The following ZMYND11 variants were observed in gnomAD, a reference collection of about 807,000 sequenced individuals.
The protein encoded by ZMYND11 is zinc finger MYND-type containing 11.
Under a neutral mutation model 84.9 loss-of-function variants are expected in ZMYND11, and 9 were observed. That is an observed-to-expected ratio of 0.11 (90% confidence interval 0.06 to 0.18). The LOEUF (loss-of-function observed/expected upper bound fraction) is 0.18, where lower values mean the gene tolerates loss of function less well. Among genes scored for constraint, ZMYND11 ranks in the 10% least tolerant of loss-of-function variants. The probability of loss-of-function intolerance (pLI) is 1.00; values close to 1 mark genes in which losing one functional copy is unlikely to be tolerated. For missense variants in ZMYND11, 409 were observed against 761.0 expected (o/e 0.54, Z 5.44); for synonymous variants, 250 against 244.1 (o/e 1.02, Z -0.23).
intron 6 of ZMYND11, 61 bp from the exon 7 acceptor site, chr10:239,377 A>C: frequency 7.5e-7 from 1 of 1,341,366 alleles, no homozygotes; most frequent in South Asian, 1.2e-5. Context: ...CTGTGAACTT[A>C]GTCCAGACAA....
At chr10:197,184 T>C (rs1942005012) in intron 2 of ZMYND11, among the ~76,000 whole-genome samples, 1 of 150,594 alleles carries the variant, frequency 6.6e-6, no homozygotes, top group African/African-American at 2.5e-5. Flanking sequence ...AGTGGAGTGC[T>C]TTTAGTTCAC....
At chr10:245,131 GAGTTTAGTTTTTCAA>G (rs1464696757) in intron 10 of ZMYND11, among the ~76,000 whole-genome samples, 2 of 152,160 alleles carry the variant, frequency 1.3e-5, no homozygotes, top group Non-Finnish European at 2.9e-5. Flanking sequence ...CTCTGCATTA[GAGTTTAGTTTTTCAA>G]AGTTCAGTTT....
rs565952591 is a variant in ZMYND11 at position 220,121 on chromosome 10, G to A, written c.277-1074G>A. Reference sequence around the variant, plus strand: ...GCTACATGAAAGCCCATTTATTGGGGGAGTACTGACATCAGAGAAAACAGT... The same window carrying A: ...GCTACATGAAAGCCCATTTATTGGGAGAGTACTGACATCAGAGAAAACAGT... On this transcript the variant is annotated intron_variant, in intron 3 of 14. Coordinates refer to ENST00000381604, the MANE Select transcript of ZMYND11 (RefSeq NM_001370100.5). 2.6e-5 allele frequency among the ~76,000 whole-genome samples: 4 copies of A among 152,204 alleles called. No homozygotes were observed. In the East Asian group the frequency reaches 7.7e-4, roughly 29 times the overall value.
chr10:144,566 C>T (rs1306471814), intron 1 of ZMYND11, among the ~76,000 whole-genome samples: 4 of 149,220 alleles, frequency 2.7e-5, no homozygotes, highest in Non-Finnish European at 4.5e-5. Flanking sequence ...GACAGTGTTA[C>T]ACAACTCACA....
rs982298789 is a variant in ZMYND11, at chr10:233,186, G to C, written c.439-3652G>C. ...CGATTGTATCAGAATTTCTGGGGGCGGCACCTGAGACATCGGTGGGCTTTT... is the reference window on the plus strand; with the variant it reads ...CGATTGTATCAGAATTTCTGGGGGCCGCACCTGAGACATCGGTGGGCTTTT... On this transcript the variant is annotated intron_variant, in intron 4 of 14. Transcript: ENST00000381604. 3.3e-5 allele frequency among the ~76,000 whole-genome samples: 5 copies of C among 151,860 alleles called. No homozygotes were observed. The East Asian group carries it at 9.7e-4, about 29-fold the overall frequency.
intron 1 of ZMYND11, among the ~76,000 whole-genome samples, chr10:141,490 CTG>C (rs1207403999): frequency 3.1e-4 from 47 of 152,260 alleles, no homozygotes; most frequent in African/African-American, 1.0e-3. Flanking sequence ...CTGTAGGACA[CTG>C]TATGAATTAA....
chr10:221,310 T>A lies in ZMYND11; in HGVS notation c.392T>A (p.Phe131Tyr), dbSNP rs753445121. 2 of 1,614,010 alleles carry A rather than the reference T, an allele frequency of 1.2e-6. No homozygotes were observed. The highest frequency in any genetic ancestry group is 2.2e-5 in the South Asian group (2 of 91,072). The change falls in exon 4 of 15, where the codon TTC becomes TAC. Residue 131 changes from phenylalanine (F) to tyrosine (Y), a missense_variant. Phe to Tyr is a conservative substitution (Grantham distance 22). Coordinates refer to ENST00000381604, the MANE Select transcript of ZMYND11 (RefSeq NM_001370100.5). ...VYHSKCLSDE[F>Y]RLRDSSSPWQ... ...CATTCCAAGTGTTTGTCTGATGAGTTCAGGCTTAGAGACAGCAGTAGTCCC... is the reference window on the plus strand; with the variant it reads ...CATTCCAAGTGTTTGTCTGATGAGTACAGGCTTAGAGACAGCAGTAGTCCC...
intron 1 of ZMYND11, among the ~76,000 whole-genome samples, chr10:157,959 T>C (rs1842080850): frequency 6.6e-6 from 1 of 152,254 alleles, no homozygotes; most frequent in Non-Finnish European, 1.5e-5. Context: ...TGAAATCATA[T>C]AATATGTGGC....
rs532258007 is a variant in ZMYND11, at chr10:238,393, G to A, written c.609+716G>A. On this transcript the variant is annotated intron_variant, in intron 6 of 14. Transcript: ENST00000381604. ...TTTTTTTGAGACGGAGTCTCACTCT[G>A]TCGCCCAGGCTGGAGTGCAGTGGTG... Among the ~76,000 whole-genome samples the A allele has an allele frequency of 6.6e-5, 10 of 151,226 alleles. No individual in the cohort carries two copies. In the East Asian group the frequency reaches 1.9e-3, roughly 29 times the overall value.
chr10:165,330 T>A (rs888801879), intron 1 of ZMYND11, among the ~76,000 whole-genome samples: 3 of 151,160 alleles, frequency 2.0e-5, no homozygotes, highest in Non-Finnish European at 1.5e-5. Context: ...TGCTCCTAGT[T>A]CTTAGGGGCC....
At chr10:137,117 A>G (rs1836290351) in intron 1 of ZMYND11, among the ~76,000 whole-genome samples, 1 of 152,066 alleles carries the variant, frequency 6.6e-6, no homozygotes, top group Non-Finnish European at 1.5e-5. Flanking sequence ...TGCATGCACT[A>G]TCCTTGTCAC....
chr10:190,843 A>G (rs1371505307), intron 2 of ZMYND11, among the ~76,000 whole-genome samples: 2 of 152,110 alleles, frequency 1.3e-5, no homozygotes, highest in East Asian at 3.8e-4. Context: ...GATTTTTGAG[A>G]CATTCCTTAT....
chr10:206,959 G>T (rs567995747), intron 2 of ZMYND11, among the ~76,000 whole-genome samples: 77 of 151,922 alleles, frequency 5.1e-4, no homozygotes, highest in African/African-American at 1.7e-3. Flanking sequence ...TTTAGCATTA[G>T]GTATATCTCC....
At chr10:226,323 TAAA>T (rs1235722057) in intron 4 of ZMYND11, among the ~76,000 whole-genome samples, 1 of 152,226 alleles carries the variant, frequency 6.6e-6, no homozygotes. Flanking sequence ...TAATGCCTCA[TAAA>T]AAGTCTGTCA....
chr10:183,224 G>GTTTTTTTTTTTTT (rs1214194132), intron 2 of ZMYND11, among the ~76,000 whole-genome samples: 1 of 130,752 alleles, frequency 7.6e-6, no homozygotes, highest in African/African-American at 2.8e-5. Flanking sequence ...TTTGTTGTTG[G>GTTTTTTTTTTTTT]TTTTTTTTTT....
chr10:214,240 G>T (rs1945777256), intron 3 of ZMYND11, among the ~76,000 whole-genome samples: 1 of 152,118 alleles, frequency 6.6e-6, no homozygotes, highest in Non-Finnish European at 1.5e-5. Context: ...AATGAAAAAA[G>T]TAATTATTTA....
intron 11 of ZMYND11, 35 bp downstream of exon 11, chr10:247,008 T>C: frequency 6.5e-7 from 1 of 1,546,042 alleles, no homozygotes; most frequent in Non-Finnish European, 8.8e-7. Context: ...GCCTATTCAT[T>C]ATTACTTTTA....
chr10:234,229 ACAG>A (rs1353572006), intron 4 of ZMYND11, among the ~76,000 whole-genome samples: 10 of 152,340 alleles, frequency 6.6e-5, no homozygotes, highest in African/African-American at 2.4e-4. Context: ...AACAACAACA[ACAG>A]CAACTCCTGC....
upstream of ZMYND11, among the ~76,000 whole-genome samples, chr10:131,316 G>A (rs1433480864): frequency 6.6e-6 from 1 of 152,098 alleles, no homozygotes; most frequent in African/African-American, 2.4e-5. Flanking sequence ...AACAAATACT[G>A]TACATTCATG....
Sources: gnomAD v4.1 joint callset for allele counts (sites outside exome capture counted in the v4.1 genomes callset) on GRCh38, gnomAD v4.1.1 for gene constraint, MANE v1.5 for transcripts, NCBI Gene and HGNC (gene_info 2026-07-23, HGNC 2026-07-21) for gene names.